ASTN2: variants seen among roughly 807,000 people sequenced by gnomAD.
The protein encoded by ASTN2 is astrotactin 2.
Under a neutral mutation model 139.8 loss-of-function variants are expected in ASTN2, and 54 were observed. The observed-to-expected ratio is 0.39, with a 90% CI of 0.31 to 0.48. The LOEUF (loss-of-function observed/expected upper bound fraction) is 0.48. Among genes scored for constraint, ASTN2 ranks in the 20% least tolerant of loss-of-function variants. The probability of loss-of-function intolerance (pLI) is 0.95; values close to 1 mark genes in which losing one functional copy is unlikely to be tolerated. For synonymous variants in ASTN2, 756 were observed against 719.5 expected, an observed-to-expected ratio of 1.05 and a Z score of -0.81; for missense variants, 1,565 against 1,725.1, an observed-to-expected ratio of 0.91 and a Z score of 1.64.
At chr9:117,096,566 A>G (rs897891867) in intron 4 of ASTN2, among the ~76,000 whole-genome samples, 2 of 152,210 alleles carry the variant, frequency 1.3e-5, no homozygotes, top group Non-Finnish European at 2.9e-5. Flanking sequence ...CACTCTAGAC[A>G]ACTTAATTTT....
chr9:116,571,211 G>T (rs1214899278), intron 19 of ASTN2, among the ~76,000 whole-genome samples: 1 of 152,140 alleles, frequency 6.6e-6, no homozygotes, highest in Non-Finnish European at 1.5e-5. Flanking sequence ...GGCACCATCA[G>T]CTCCTACTGT....
chr9:116,738,458 G>A (rs1368341993), intron 13 of ASTN2, among the ~76,000 whole-genome samples: 3 of 151,626 alleles, frequency 2.0e-5, no homozygotes, highest in East Asian at 1.9e-4. Context: ...CTGAGATTGC[G>A]CTGAGACTCC....
intron 10 of ASTN2, among the ~76,000 whole-genome samples, chr9:116,868,503 G>A (rs977676641): frequency 6.6e-6 from 1 of 152,302 alleles, no homozygotes; most frequent in Admixed American, 6.5e-5. Flanking sequence ...AATGGGCAGA[G>A]CCTGAGAGTT....
At chr9:116,877,775 T>A (rs560717555) in intron 10 of ASTN2, among the ~76,000 whole-genome samples, 26 of 151,648 alleles carry the variant, frequency 1.7e-4, no homozygotes, top group Non-Finnish European at 3.2e-4. Context: ...ATCATTCCTC[T>A]GGCAAAAAAA....
At chr9:117,104,290 T>C (rs1027138868) in intron 4 of ASTN2, among the ~76,000 whole-genome samples, 1 of 152,140 alleles carries the variant, frequency 6.6e-6, no homozygotes, top group Admixed American at 6.5e-5. Flanking sequence ...GAAAAAATCA[T>C]AGCATATAGT....
chr9:117,061,924 T>C (rs940036952), intron 5 of ASTN2, among the ~76,000 whole-genome samples: 6 of 152,240 alleles, frequency 3.9e-5, no homozygotes, highest in Non-Finnish European at 8.8e-5. Context: ...AGTCATTTGT[T>C]GCCCACATTA....
chr9:116,605,378 G>T (rs1242863927), intron 19 of ASTN2, among the ~76,000 whole-genome samples: 1 of 152,090 alleles, frequency 6.6e-6, no homozygotes, highest in East Asian at 1.9e-4. Flanking sequence ...AACTAAACAA[G>T]CTGAAGCTGA....
intron 3 of ASTN2, among the ~76,000 whole-genome samples, chr9:117,145,951 G>T (rs1230255303): frequency 6.6e-6 from 1 of 152,134 alleles, no homozygotes; most frequent in Admixed American, 6.6e-5. Flanking sequence ...ACACAGAGAA[G>T]GAAGGGGTGA....
chr9:116,767,257 C>T (rs1397935543), intron 13 of ASTN2, among the ~76,000 whole-genome samples: 2 of 152,138 alleles, frequency 1.3e-5, no homozygotes, highest in African/African-American at 4.8e-5. Context: ...TGCCAACCTA[C>T]TCACACCCTA....
At chr9:117,148,288 G>C (rs988532945) in intron 3 of ASTN2, among the ~76,000 whole-genome samples, 1 of 152,136 alleles carries the variant, frequency 6.6e-6, no homozygotes, top group African/African-American at 2.4e-5. Flanking sequence ...CAGGGTTCTT[G>C]GGACGATTAA....
intron 10 of ASTN2, among the ~76,000 whole-genome samples, chr9:116,882,135 T>C (rs143243589): frequency 6.6e-6 from 1 of 152,314 alleles, no homozygotes; most frequent in East Asian, 1.9e-4. Flanking sequence ...ATTAAGTACC[T>C]GCTCTTTCTG....
chr9:117,281,849 T>G lies in ASTN2; in HGVS notation c.630+9477A>C, dbSNP rs113798137. Among the ~76,000 whole-genome samples the G allele has an allele frequency of 7.6e-3, 1,161 of 152,272 alleles. 18 individuals carry two copies. The highest frequency in any genetic ancestry group is 0.027 in the African/African-American group (1,109 of 41,566). On this transcript the variant is annotated intron_variant, in intron 2 of 22. Coordinates refer to ENST00000313400, the MANE Select transcript of ASTN2 (RefSeq NM_001365068.1). ...ATCCACAGTGCTGGGTGCCCCTGCCTCCAGCCCTCTCATCTCTGCTGGATG... is the reference window on the plus strand; with the variant it reads ...ATCCACAGTGCTGGGTGCCCCTGCCGCCAGCCCTCTCATCTCTGCTGGATG...
chr9:117,297,346 A>G (rs1202552862), intron 1 of ASTN2, among the ~76,000 whole-genome samples: 1 of 152,240 alleles, frequency 6.6e-6, no homozygotes, highest in Non-Finnish European at 1.5e-5. Context: ...GCCACTAGCT[A>G]TTCCAGCATT....
chr9:117,035,693 G>C (rs1228708080), intron 6 of ASTN2, among the ~76,000 whole-genome samples: 1 of 152,140 alleles, frequency 6.6e-6, no homozygotes, highest in Non-Finnish European at 1.5e-5. Flanking sequence ...TCTGCCAAAG[G>C]AGGCATTGGG....
chr9:116,996,945 T>C (rs1040418380), intron 7 of ASTN2, among the ~76,000 whole-genome samples: 1 of 152,138 alleles, frequency 6.6e-6, no homozygotes, highest in Non-Finnish European at 1.5e-5. Context: ...AATTTAAATG[T>C]CAGTAGATTA....
rs555472214 is a variant in ASTN2, at chr9:116,544,386, G to A, written c.3356-56886C>T. 2.1e-4 allele frequency among the ~76,000 whole-genome samples: 32 copies of A among 152,216 alleles called. No homozygotes were observed. The East Asian group carries it at 4.8e-3, about 23-fold the overall frequency. ...TCACCAAAAAAAGATGTTTTGCATC[G>A]AAAATCACCATTCACAAAGAACACA... On this transcript the variant is annotated intron_variant, in intron 19 of 22. Coordinates refer to ENST00000313400, the MANE Select transcript of ASTN2 (RefSeq NM_001365068.1).
At chr9:116,845,141 G>A (rs917450785) in intron 11 of ASTN2, among the ~76,000 whole-genome samples, 3 of 152,150 alleles carry the variant, frequency 2.0e-5, no homozygotes, top group Admixed American at 6.5e-5. Flanking sequence ...TTGAGACGGA[G>A]TCTCACTGTG....
chr9:117,208,901 T>A (rs1832026317), intron 3 of ASTN2, among the ~76,000 whole-genome samples: 1 of 152,048 alleles, frequency 6.6e-6, no homozygotes, highest in African/African-American at 2.4e-5. Context: ...GAAGAAGAAA[T>A]AAAATCTGTT....
At chr9:117,296,133 C>T (rs987536965) in intron 1 of ASTN2, among the ~76,000 whole-genome samples, 2 of 151,722 alleles carry the variant, frequency 1.3e-5, no homozygotes, top group African/African-American at 4.8e-5. Flanking sequence ...CAAAAATTAG[C>T]CAGGCATGGT....
Sources: gnomAD v4.1 joint callset for allele counts (sites outside exome capture counted in the v4.1 genomes callset) on GRCh38, gnomAD v4.1.1 for gene constraint, MANE v1.5 for transcripts, NCBI Gene and HGNC (gene_info 2026-07-23, HGNC 2026-07-21) for gene names.